CNTN5: variants seen among roughly 807,000 people sequenced by gnomAD.
The protein encoded by CNTN5 is contactin-5.
CNTN5 carries 77 observed loss-of-function variants against 129.1 expected under a neutral mutation model. The ratio of observed to expected loss-of-function variants is 0.60; its 90% CI spans 0.50 to 0.72. CNTN5 has a LOEUF of 0.72. CNTN5 is among the 30% of genes least tolerant of loss of function. The pLI is 0.00. For synonymous variants in CNTN5, 509 were observed against 465.6 expected, an observed-to-expected ratio of 1.09 and a Z score of -1.20; for missense variants, 1,478 against 1,328.8, an observed-to-expected ratio of 1.11 and a Z score of -1.75.
chr11:99,832,654 C>T lies in CNTN5; in HGVS notation c.278-12198C>T, dbSNP rs1017902204. 2.2e-4 allele frequency among the ~76,000 whole-genome samples: 34 copies of T among 152,086 alleles called. 1 individual carries two copies. The highest frequency in any genetic ancestry group is 1.5e-5 in the Non-Finnish European group (1 of 68,012). On this transcript the variant is annotated intron_variant, in intron 4 of 24. Transcript: ENST00000524871. ...TTTTTTTAAGAATTCATCTAAGATA[C>T]TTGGTGCAAAAATTTTTCTCACCTT...
Position 99,305,197 on chromosome 11 carries a change from TTAA to T in CNTN5, c.-209-20145_-209-20143del, listed in dbSNP as rs538180329. ...AAAACACAGCAATTAGAACACTGCC[TTAA>T]TAAGGGCTTTGTCTCTCTGAATGAA... On this transcript the variant is annotated intron_variant, in intron 1 of 24. Coordinates refer to ENST00000524871, the MANE Select transcript of CNTN5 (RefSeq NM_014361.4). Among the ~76,000 whole-genome samples, 19 of 152,258 alleles carry T rather than the reference TTAA, an allele frequency of 1.2e-4. 1 individual carries two copies. In the South Asian group the frequency reaches 3.9e-3, roughly 32 times the overall value.
chr11:100,282,925 G>C (rs573460939), intron 18 of CNTN5, among the ~76,000 whole-genome samples: 1 of 152,252 alleles, frequency 6.6e-6, no homozygotes, highest in South Asian at 2.1e-4. Context: ...TAAGGCCCAA[G>C]GTCTCTTAAG....
At chr11:99,104,629 T>TATAC (rs1555044622) in intron 1 of CNTN5, among the ~76,000 whole-genome samples, 1 of 106,368 alleles carries the variant, frequency 9.4e-6, no homozygotes, top group Non-Finnish European at 1.9e-5. Flanking sequence ...TATATATATA[T>TATAC]ACACACACAC....
rs550590563 is a variant in CNTN5, at chr11:100,219,715, A to G, written c.1885-4977A>G. ...CCTATTTACTCATTTTGAGTCTTCAATGTGTTGTTGGCTATGTTTAATACT... is the reference window on the plus strand; with the variant it reads ...CCTATTTACTCATTTTGAGTCTTCAGTGTGTTGTTGGCTATGTTTAATACT... On this transcript the variant is annotated intron_variant, in intron 15 of 24. Coordinates refer to ENST00000524871, the MANE Select transcript of CNTN5 (RefSeq NM_014361.4). 5.9e-5 allele frequency among the ~76,000 whole-genome samples: 9 copies of G among 152,276 alleles called. No homozygotes were observed. The South Asian group carries it at 1.2e-3, about 21-fold the overall frequency.
intron 3 of CNTN5, among the ~76,000 whole-genome samples, chr11:99,598,206 G>T (rs1028482568): frequency 1.4e-5 from 2 of 146,696 alleles, no homozygotes; most frequent in South Asian, 4.4e-4. Context: ...CATTCCTCAG[G>T]CGGGAACCTT....
intron 2 of CNTN5, among the ~76,000 whole-genome samples, chr11:99,352,240 C>T (rs1019011382): frequency 2.0e-5 from 3 of 148,098 alleles, no homozygotes; most frequent in African/African-American, 7.3e-5. Context: ...GTGGAGTGAC[C>T]TCACAGCATT....
chr11:99,947,858 A>G (rs1950586504), intron 7 of CNTN5, among the ~76,000 whole-genome samples: 2 of 152,192 alleles, frequency 1.3e-5, no homozygotes, highest in South Asian at 2.1e-4. Flanking sequence ...GAAGTTAAGC[A>G]TTTTTAAAAA....
At chr11:99,390,551 G>T (rs180734398) in intron 2 of CNTN5, among the ~76,000 whole-genome samples, 1 of 152,096 alleles carries the variant, frequency 6.6e-6, no homozygotes, top group African/African-American at 2.4e-5. Context: ...TTGGACTTCA[G>T]ATTCACACCA....
At chr11:99,645,796 C>G (rs945584406) in intron 3 of CNTN5, among the ~76,000 whole-genome samples, 1 of 150,330 alleles carries the variant, frequency 6.7e-6, no homozygotes, top group Non-Finnish European at 1.5e-5. Flanking sequence ...TTGGGCCTGT[C>G]GGGGTGGGGG....
chr11:99,912,913 A>G (rs1486772743), intron 6 of CNTN5, among the ~76,000 whole-genome samples: 1 of 152,000 alleles, frequency 6.6e-6, no homozygotes, highest in Admixed American at 6.6e-5. Context: ...TGAATTTTAG[A>G]GTCTTCGTAT....
At chr11:100,030,620 C>T (rs1456485335) in intron 9 of CNTN5, among the ~76,000 whole-genome samples, 1 of 152,092 alleles carries the variant, frequency 6.6e-6, no homozygotes, top group Non-Finnish European at 1.5e-5. Context: ...CCCTGTAGAA[C>T]AAAAGGGCTG....
chr11:100,206,158 A>C (rs1256477345), intron 15 of CNTN5, among the ~76,000 whole-genome samples: 1 of 152,112 alleles, frequency 6.6e-6, no homozygotes, highest in Non-Finnish European at 1.5e-5. Context: ...GAAGCAGGGC[A>C]GACTTCCTAA....
intron 3 of CNTN5, among the ~76,000 whole-genome samples, chr11:99,766,220 G>T (rs912009962): frequency 6.6e-6 from 1 of 152,040 alleles, no homozygotes; most frequent in Non-Finnish European, 1.5e-5. Context: ...ATTTCTGGAA[G>T]TTGCCTTGAT....
At chr11:99,257,570 T>A (rs2135812691) in intron 1 of CNTN5, among the ~76,000 whole-genome samples, 1 of 152,208 alleles carries the variant, frequency 6.6e-6, no homozygotes, top group African/African-American at 2.4e-5. Flanking sequence ...AAAGGTGTAA[T>A]TTTTTATTCA....
chr11:99,427,350 G>T (rs1159723975), intron 2 of CNTN5, among the ~76,000 whole-genome samples: 2 of 152,098 alleles, frequency 1.3e-5, no homozygotes, highest in Non-Finnish European at 2.9e-5. Flanking sequence ...CCTGAGGGGG[G>T]AAATAATTAC....
chr11:99,536,823 T>G (rs527718245), intron 2 of CNTN5, among the ~76,000 whole-genome samples: 1 of 143,758 alleles, frequency 7.0e-6, no homozygotes, highest in Non-Finnish European at 1.5e-5. Flanking sequence ...AGAAGCCAGA[T>G]ATGTAATTTT....
At chr11:99,182,733 G>T (rs1053184295) in intron 1 of CNTN5, among the ~76,000 whole-genome samples, 1 of 152,048 alleles carries the variant, frequency 6.6e-6, no homozygotes, top group Admixed American at 6.5e-5. Flanking sequence ...TTATTTAGTC[G>T]TCAAGCCAGT....
intron 1 of CNTN5, among the ~76,000 whole-genome samples, chr11:99,235,602 C>A (rs1169166734): frequency 2.6e-5 from 4 of 152,068 alleles, no homozygotes; most frequent in African/African-American, 4.8e-5. Context: ...TTAAATAGGG[C>A]TATTTCTTAT....
At chr11:99,056,611 C>A (rs764822819) in intron 1 of CNTN5, among the ~76,000 whole-genome samples, 2 of 151,978 alleles carry the variant, frequency 1.3e-5, no homozygotes, top group African/African-American at 2.4e-5. Context: ...ATATGATGTT[C>A]TAGGTCCCTA....
Sources: allele counts gnomAD v4.1 joint callset (sites outside exome capture counted in the v4.1 genomes callset), GRCh38; gene constraint gnomAD v4.1.1; transcripts MANE v1.5; gene names NCBI Gene and HGNC (gene_info 2026-07-23, HGNC 2026-07-21).